Variants in CNTN5 observed in about 807,000 individuals in gnomAD.
The protein encoded by CNTN5 is contactin 5.
In CNTN5, 77 loss-of-function variants were observed where a neutral mutation model predicts 129.1. The observed-to-expected ratio is 0.60, with a 90% CI of 0.50 to 0.72. CNTN5 has a LOEUF of 0.72. Among genes scored for constraint, CNTN5 ranks in the 30% least tolerant of loss-of-function variants. The pLI is 0.00. For synonymous variants in CNTN5, 509 were observed against 465.6 expected, an observed-to-expected ratio of 1.09 and a Z score of -1.20; for missense variants, 1,478 against 1,328.8, an observed-to-expected ratio of 1.11 and a Z score of -1.75.
chr11:100,021,502 G>A (rs749194646), intron 9 of CNTN5, among the ~76,000 whole-genome samples: 26 of 152,054 alleles, frequency 1.7e-4, no homozygotes, highest in Non-Finnish European at 2.4e-4. Context: ...ATTATATAGT[G>A]TACATACTTT....
At chr11:99,362,791 G>A (rs1197949835) in intron 2 of CNTN5, among the ~76,000 whole-genome samples, 2 of 151,886 alleles carry the variant, frequency 1.3e-5, no homozygotes, top group African/African-American at 4.8e-5. Flanking sequence ...TCCTTTCTCT[G>A]AATGGTCTTG....
At chr11:99,285,243 G>A (rs1863881306) in intron 1 of CNTN5, among the ~76,000 whole-genome samples, 9 of 152,034 alleles carry the variant, frequency 5.9e-5, no homozygotes. Context: ...TGTACTAAGG[G>A]AAAGATCTAT....
chr11:99,033,121 A>T (rs1172305923), intron 1 of CNTN5, among the ~76,000 whole-genome samples: 1 of 150,058 alleles, frequency 6.7e-6, no homozygotes, highest in Non-Finnish European at 1.5e-5. Context: ...TGTTCCATTG[A>T]TCTATATCTC....
At chr11:99,332,992 G>A (rs558209756) in intron 2 of CNTN5, among the ~76,000 whole-genome samples, 4 of 151,934 alleles carry the variant, frequency 2.6e-5, no homozygotes, top group African/African-American at 4.8e-5. Flanking sequence ...TTTAGAAGCC[G>A]CTACCTATAT....
Position 99,564,889 on chromosome 11 carries a change from C to T in CNTN5, c.55+8620C>T, listed in dbSNP as rs74573457. 5.3e-4 allele frequency among the ~76,000 whole-genome samples: 81 copies of T among 152,244 alleles called. No homozygotes were observed. The East Asian group carries it at 0.015, about 29-fold the overall frequency. ...CTCCATGTTTAAACAAACTCAACAA[C>T]AGAAACTAAAATTTTATGTTCCTTT... On this transcript the variant is annotated intron_variant, in intron 3 of 24. Transcript: ENST00000524871.
chr11:100,160,515 A>AGAAAT, intron 13 of CNTN5, among the ~76,000 whole-genome samples: 1 of 151,978 alleles, frequency 6.6e-6, no homozygotes. Flanking sequence ...GATTCCCAGT[A>AGAAAT]GAAATGTAGT....
intron 3 of CNTN5, among the ~76,000 whole-genome samples, chr11:99,670,000 G>C (rs1952968576): frequency 6.6e-6 from 1 of 152,090 alleles, no homozygotes; most frequent in Non-Finnish European, 1.5e-5. Context: ...TCATCCCTGT[G>C]AGGATAGATG....
chr11:99,151,512 T>C (rs1373374647), intron 1 of CNTN5, among the ~76,000 whole-genome samples: 1 of 152,102 alleles, frequency 6.6e-6, no homozygotes, highest in East Asian at 1.9e-4. Context: ...TAGCCATGAG[T>C]ATATTTTGAA....
At chr11:99,240,182 G>A (rs997261992) in intron 1 of CNTN5, among the ~76,000 whole-genome samples, 3 of 151,344 alleles carry the variant, frequency 2.0e-5, no homozygotes, top group African/African-American at 7.4e-5. Context: ...ATAATTGGGG[G>A]AGGTTTTCCT....
intron 1 of CNTN5, among the ~76,000 whole-genome samples, chr11:99,208,193 C>A (rs1031758): frequency 6.6e-6 from 1 of 152,288 alleles, no homozygotes; most frequent in South Asian, 2.1e-4. Flanking sequence ...TAAGAGTTAA[C>A]TGCATGCAAT....
chr11:100,314,380 C>T (rs549073588), intron 21 of CNTN5, among the ~76,000 whole-genome samples: 23 of 152,194 alleles, frequency 1.5e-4, no homozygotes, highest in African/African-American at 5.5e-4. Flanking sequence ...CATGGTGTTT[C>T]CCTTGATGTA....
chr11:99,029,437 T>C lies in CNTN5; in HGVS notation c.-210+8167T>C, dbSNP rs575578932. ...AGTTTGACCACTGACATTGAAAAGATGGAAAATCGTTCAGTCAGGACACAG... is the reference window on the plus strand; with the variant it reads ...AGTTTGACCACTGACATTGAAAAGACGGAAAATCGTTCAGTCAGGACACAG... On this transcript the variant is annotated intron_variant, in intron 1 of 24. Coordinates refer to ENST00000524871, the MANE Select transcript of CNTN5 (RefSeq NM_014361.4). Among the ~76,000 whole-genome samples, 3 of 152,170 alleles carry C rather than the reference T, an allele frequency of 2.0e-5. No homozygotes were observed. In the East Asian group the frequency reaches 5.8e-4, roughly 29 times the overall value.
intron 3 of CNTN5, among the ~76,000 whole-genome samples, chr11:99,705,649 T>C (rs565905798): frequency 1.3e-5 from 2 of 151,596 alleles, no homozygotes; most frequent in South Asian, 4.2e-4. Flanking sequence ...CAGTTGTTTA[T>C]AAAACCATGA....
chr11:100,034,259 C>T (rs55831404), intron 9 of CNTN5, among the ~76,000 whole-genome samples: 14,163 of 152,226 alleles, frequency 0.093, 857 homozygotes, highest in East Asian at 0.2. Flanking sequence ...ATACCAAACA[C>T]TTTAAAAGGG....
At chr11:99,861,442 G>T (rs899384986) in intron 6 of CNTN5, among the ~76,000 whole-genome samples, 3 of 152,086 alleles carry the variant, frequency 2.0e-5, no homozygotes, top group Non-Finnish European at 4.4e-5. Flanking sequence ...TGATTATGCC[G>T]ATACAATGAT....
chr11:99,121,878 A>C (rs1858351893), intron 1 of CNTN5, among the ~76,000 whole-genome samples: 1 of 151,914 alleles, frequency 6.6e-6, no homozygotes. Context: ...TGATTTTATA[A>C]AAGTAATTTT....
At chr11:99,108,531 C>T (rs1857627893) in intron 1 of CNTN5, among the ~76,000 whole-genome samples, 3 of 152,046 alleles carry the variant, frequency 2.0e-5, no homozygotes, top group Admixed American at 2.0e-4. Flanking sequence ...ATTTTTTTAA[C>T]TATACACTCC....
intron 1 of CNTN5, among the ~76,000 whole-genome samples, chr11:99,122,856 T>G (rs1858418442): frequency 6.6e-6 from 1 of 152,178 alleles, no homozygotes; most frequent in Non-Finnish European, 1.5e-5. Context: ...TTCATCCATG[T>G]TGCTGCAAAG....
intron 15 of CNTN5, among the ~76,000 whole-genome samples, chr11:100,218,297 C>T (rs190725714): frequency 1.8e-3 from 281 of 152,154 alleles, no homozygotes; most frequent in African/African-American, 5.6e-3. Context: ...TATCAGCATA[C>T]GCTAAAAAAA....
Sources: gnomAD v4.1 joint callset for allele counts (sites outside exome capture counted in the v4.1 genomes callset) on GRCh38, gnomAD v4.1.1 for gene constraint, MANE v1.5 for transcripts, NCBI Gene and HGNC (gene_info 2026-07-23, HGNC 2026-07-21) for gene names.